The following RAB3GAP2 variants were observed in gnomAD, a reference collection of about 807,000 sequenced individuals.
RAB3GAP2 encodes the protein RAB3 GTPase activating non-catalytic protein subunit 2, also known as rab3 GTPase-activating protein non-catalytic subunit.
A neutral mutation model predicts 185.3 loss-of-function variants in RAB3GAP2; 87 were observed. That is an observed-to-expected ratio of 0.47 (90% confidence interval 0.39 to 0.56). The LOEUF (loss-of-function observed/expected upper bound fraction) is 0.56, where lower values mean the gene tolerates loss of function less well. Among genes scored for constraint, RAB3GAP2 ranks in the 20% least tolerant of loss-of-function variants. The pLI, the probability that RAB3GAP2 is intolerant of heterozygous loss-of-function variation, is 0.00. For missense variants in RAB3GAP2, 1,492 were observed against 1,638.2 expected (o/e 0.91, Z 1.54); for synonymous variants, 554 against 576.1 (o/e 0.96, Z 0.55).
chr1:220,255,011 T>C (rs2102526774), intron 1 of RAB3GAP2, among the ~76,000 whole-genome samples: 1 of 151,768 alleles, frequency 6.6e-6, no homozygotes, highest in Middle Eastern at 3.4e-3. Context: ...AAGGCATCCA[T>C]GTTGTTACTT....
intron 1 of RAB3GAP2, among the ~76,000 whole-genome samples, chr1:220,246,684 A>G (rs1210767217): frequency 2.3e-5 from 3 of 130,768 alleles, no homozygotes; most frequent in Non-Finnish European, 4.8e-5. Context: ...AAAACCAAAC[A>G]CCGCATATTC....
At chr1:220,196,144 G>A in intron 10 of RAB3GAP2, 106 bp downstream of exon 10, 1 of 1,283,586 alleles carries the variant, frequency 7.8e-7, no homozygotes, top group Non-Finnish European at 1.1e-6. Flanking sequence ...ATTTAGAAAT[G>A]TAAACTGCTT....
intron 21 of RAB3GAP2, among the ~76,000 whole-genome samples, chr1:220,180,137 G>A (rs1658373872): frequency 6.6e-6 from 1 of 152,048 alleles, no homozygotes; most frequent in African/African-American, 2.4e-5. Flanking sequence ...ACTCCAGCCT[G>A]GTGACAGAGT....
At chr1:220,230,715 A>T (rs978100238) in intron 2 of RAB3GAP2, among the ~76,000 whole-genome samples, 1 of 152,178 alleles carries the variant, frequency 6.6e-6, no homozygotes, top group African/African-American at 2.4e-5. Context: ...TTTTTTAAAA[A>T]CTTCTTATTA....
In RAB3GAP2 at chr1:220,213,735, G is replaced by A. The variant is rs138212227; in HGVS notation, c.304+121C>T. The A allele has an allele frequency of 0.097, 87,952 of 907,124 alleles. 6,798 individuals are homozygous for A. Among genetic ancestry groups the A allele is most frequent in the South Asian group, 0.14 (8,534 of 59,968 alleles). The allele number at this position is 907,124 out of a possible 1,614,324, so 56.2% of individuals were successfully genotyped here. A position where few individuals can be genotyped will look rare whatever the true frequency, so the allele number is the denominator to read the frequency against. On this transcript the variant is annotated intron_variant, in intron 3 of 34. Transcript: ENST00000358951. The stretch of plus-strand genomic sequence containing the variant: ...AGGGAGGGGGCGGAGGAGGAGTTGG[G>A]GGGGGGGGGAGAGAGAGAGAAATAA...
chr1:220,253,481 C>T (rs1315325775), intron 1 of RAB3GAP2: 16 of 1,495,738 alleles, frequency 1.1e-5, no homozygotes, highest in South Asian at 2.6e-5. Flanking sequence ...TGCCTGACGG[C>T]GCGTCTGACG....
intron 21 of RAB3GAP2, among the ~76,000 whole-genome samples, chr1:220,173,223 A>G (rs1356001964): frequency 1.3e-5 from 2 of 152,220 alleles, no homozygotes; most frequent in Non-Finnish European, 2.9e-5. Flanking sequence ...TTTTTAAATC[A>G]CTAATAAGTT....
rs957248347 is a variant in RAB3GAP2, at chr1:220,264,030, G to A, written c.115+8193C>T. Among the ~76,000 whole-genome samples, 10 of 150,650 alleles carry A rather than the reference G, an allele frequency of 6.6e-5. 1 individual carries two copies. In the East Asian group the frequency reaches 1.4e-3, roughly 21 times the overall value. On this transcript the variant is annotated intron_variant, in intron 1 of 34. Coordinates refer to ENST00000358951, the MANE Select transcript of RAB3GAP2 (RefSeq NM_012414.4). Reference sequence around the variant, plus strand: ...ACACTATAGGGAAATGATACCCACCGACATCCATTAAAAAAAAATGCTGAC... The same window carrying A: ...ACACTATAGGGAAATGATACCCACCAACATCCATTAAAAAAAAATGCTGAC...
In RAB3GAP2 at chr1:220,270,364, G is replaced by C. The variant is rs184811021; in HGVS notation, c.115+1859C>G. 1.6e-4 allele frequency among the ~76,000 whole-genome samples: 25 copies of C among 152,264 alleles called. No homozygotes were observed. In the East Asian group the frequency reaches 4.0e-3, roughly 25 times the overall value. ...ACTGAACTGACACTTTTTGCTGTTA[G>C]CTCCCCAATTAACATCTCTGGCCCA... On this transcript the variant is annotated intron_variant, in intron 1 of 34. Transcript: ENST00000358951.
At chr1:220,252,990 T>C (rs1316338619) in intron 1 of RAB3GAP2, among the ~76,000 whole-genome samples, 1 of 152,126 alleles carries the variant, frequency 6.6e-6, no homozygotes, top group Non-Finnish European at 1.5e-5. Context: ...TGGTGGCAGA[T>C]TGGAATCTCC....
chr1:220,221,071 C>T (rs992836475), intron 2 of RAB3GAP2, among the ~76,000 whole-genome samples: 9 of 152,120 alleles, frequency 5.9e-5, no homozygotes, highest in African/African-American at 1.4e-4. Context: ...ATACCACAAC[C>T]GCTTCTCACA....
chr1:220,240,612 C>T (rs752226965), intron 1 of RAB3GAP2, among the ~76,000 whole-genome samples: 2 of 152,056 alleles, frequency 1.3e-5, no homozygotes, highest in Admixed American at 1.3e-4. Flanking sequence ...TTGAATCATA[C>T]CCTTTCTCTA....
At chr1:220,184,206 C>A in intron 18 of RAB3GAP2, 43 bp from the exon 19 acceptor site, 1 of 1,534,434 alleles carries the variant, frequency 6.5e-7, no homozygotes, top group Non-Finnish European at 9.0e-7. Context: ...ATATATTTAA[C>A]AGACTCATAA....
rs1397781444 is a variant in RAB3GAP2, at chr1:220,267,353, G to T, written c.115+4870C>A. 4 of 1,137,462 alleles carry T rather than the reference G, an allele frequency of 3.5e-6. No individual in the cohort carries two copies. In the East Asian group the frequency reaches 9.5e-5, roughly 27 times the overall value. 70.5% of individuals were successfully genotyped at this position (1,137,462 alleles called of 1,614,324 possible). Reference sequence around the variant, plus strand: ...TACAGTCTGATTATATTAGGATGTTGGAGGTGGGACTGTATTTCTACTTCT... The same window carrying T: ...TACAGTCTGATTATATTAGGATGTTTGAGGTGGGACTGTATTTCTACTTCT... On this transcript the variant is annotated intron_variant, in intron 1 of 34. Coordinates refer to ENST00000358951, the MANE Select transcript of RAB3GAP2 (RefSeq NM_012414.4).
chr1:220,172,799 C>G, intron 21 of RAB3GAP2, 57 bp from the exon 22 acceptor site: 1 of 1,190,300 alleles, frequency 8.4e-7, no homozygotes, highest in Non-Finnish European at 1.2e-6. Flanking sequence ...TAGACAAAAT[C>G]TTACACTTTC....
rs749962405 is a variant in RAB3GAP2 at position 220,191,057 on chromosome 1, T to C, written c.1487+11A>G. 6.2e-7 allele frequency: 1 copy of C among 1,605,922 alleles called. No individual in the cohort carries two copies. Among genetic ancestry groups the C allele is most frequent in the East Asian group, 2.2e-5 (1 of 44,836 alleles). The stretch of plus-strand genomic sequence containing the variant: ...TTTGTAACCAGCACAATGCCAGCAT[T>C]TGCAGCTTACCTGCAGTGCTTCCCC... On this transcript the variant is annotated intron_variant, in intron 14 of 34. Coordinates refer to ENST00000358951, the MANE Select transcript of RAB3GAP2 (RefSeq NM_012414.4).
At chr1:220,269,776 A>G (rs1660300904) in intron 1 of RAB3GAP2, among the ~76,000 whole-genome samples, 1 of 152,190 alleles carries the variant, frequency 6.6e-6, no homozygotes, top group South Asian at 2.1e-4. Flanking sequence ...CACTGTAACT[A>G]CTGTTGAGAA....
At chr1:220,213,731 T>G (rs1367238908) in intron 3 of RAB3GAP2, 125 bp downstream of exon 3, 335 of 606,584 alleles carry the variant, frequency 5.5e-4, no homozygotes, top group African/African-American at 3.5e-3. Flanking sequence ...GGAGGAGGAG[T>G]TGGGGGGGGG....
chr1:220,151,829 AG>A, intron 33 of RAB3GAP2, 65 bp from the exon 34 acceptor site: 2 of 1,493,076 alleles, frequency 1.3e-6, no homozygotes, highest in African/African-American at 1.4e-5. Context: ...TCTATAGGAA[AG>A]GGGTTGCCAG....
Sources: gnomAD v4.1 joint callset for allele counts (sites outside exome capture counted in the v4.1 genomes callset) on GRCh38, gnomAD v4.1.1 for gene constraint, MANE v1.5 for transcripts, NCBI Gene and HGNC (gene_info 2026-07-23, HGNC 2026-07-21) for gene names.